R3HDM1: variants seen among roughly 807,000 people sequenced by gnomAD.
R3HDM1 encodes R3H domain-containing protein 1.
In R3HDM1, 46 loss-of-function variants were observed where a neutral mutation model predicts 141.1. The ratio of observed to expected loss-of-function variants is 0.33; its 90% confidence interval spans 0.26 to 0.42. The LOEUF is 0.42. Ranked by LOEUF, R3HDM1 falls within the 10% of genes least tolerant of loss-of-function variation. The pLI is 1.00. For synonymous variants in R3HDM1, 435 were observed against 472.9 expected (o/e 0.92, Z 1.04); for missense variants, 1,184 against 1,368.3 (o/e 0.87, Z 2.12).
At chr2:135,560,217 A>G (rs181015969) in intron 1 of R3HDM1, among the ~76,000 whole-genome samples, 163 of 152,346 alleles carry the variant, frequency 1.1e-3, no homozygotes, top group Admixed American at 2.7e-3. Flanking sequence ...CTAAAAATTG[A>G]AGGCTGTGTA....
intron 18 of R3HDM1, 149 bp downstream of exon 18, chr2:135,652,181 T>TTTTCACGCACATGCTAAGCAACCA: frequency 1.6e-6 from 2 of 1,280,826 alleles, no homozygotes; most frequent in Non-Finnish European, 2.0e-6. Flanking sequence ...CCTCTGGAGA[T>TTTTCACGCACATGCTAAGCAACCA]TTTCACGCAC....
intron 7 of R3HDM1, among the ~76,000 whole-genome samples, chr2:135,623,536 C>A (rs1018133305): frequency 6.6e-6 from 1 of 152,104 alleles, no homozygotes; most frequent in African/African-American, 2.4e-5. Flanking sequence ...TTTTCTGTTT[C>A]GTATTTAATA....
intron 15 of R3HDM1, 135 bp downstream of exon 15, chr2:135,641,925 A>G (rs2063825242): frequency 1.8e-6 from 2 of 1,130,028 alleles, no homozygotes; most frequent in South Asian, 1.8e-5. Flanking sequence ...CTTTATAACA[A>G]AAACACTTAA....
chr2:135,625,881 C>G (rs188208212), intron 7 of R3HDM1, among the ~76,000 whole-genome samples: 1 of 152,314 alleles, frequency 6.6e-6, no homozygotes, highest in African/African-American at 2.4e-5. Context: ...CCCCATACTT[C>G]GTTGTATGCA....
intron 16 of R3HDM1, among the ~76,000 whole-genome samples, chr2:135,645,894 G>A (rs967784247): frequency 2.0e-5 from 3 of 152,196 alleles, no homozygotes; most frequent in African/African-American, 7.2e-5. Context: ...TAAGCAGTTA[G>A]AAGAAACTGA....
intron 18 of R3HDM1, among the ~76,000 whole-genome samples, chr2:135,654,902 G>GTGTGTGTGTGTGTGTA (rs57409498): frequency 6.8e-5 from 10 of 146,250 alleles, no homozygotes; most frequent in South Asian, 6.6e-4. Context: ...GTGTGTGTGT[G>GTGTGTGTGTGTGTGTA]TTTGTCTTTT....
intron 1 of R3HDM1, among the ~76,000 whole-genome samples, chr2:135,548,366 C>A (rs915755553): frequency 2.0e-5 from 3 of 152,182 alleles, no homozygotes; most frequent in Non-Finnish European, 4.4e-5. Flanking sequence ...TACATCACCC[C>A]TAAACACTTG....
rs13410248 is a variant in R3HDM1, at chr2:135,608,054, A to G, written c.171+3038A>G. 16,184 of 882,796 alleles carry G rather than the reference A, an allele frequency of 0.018. 2,048 individuals carry two copies. The African/African-American group carries it at 0.27, about 15-fold the overall frequency. 54.7% of individuals were successfully genotyped at this position (882,796 alleles called of 1,614,324 possible). On this transcript the variant is annotated intron_variant, in intron 3 of 26. Coordinates refer to ENST00000683871, the MANE Select transcript of R3HDM1 (RefSeq NM_001378107.1). ...ATATGGGCCGGGCGCAGTGGCTCAC[A>G]TCTGTAATCCCAGCACTTTGGGAGG...
At chr2:135,540,698 A>G (rs1697294391) in intron 1 of R3HDM1, among the ~76,000 whole-genome samples, 1 of 152,172 alleles carries the variant, frequency 6.6e-6, no homozygotes, top group Admixed American at 6.5e-5. Flanking sequence ...GATTATAGGC[A>G]TGAGCCACCA....
At chr2:135,553,272 A>C (rs1051237315) in intron 1 of R3HDM1, among the ~76,000 whole-genome samples, 2 of 152,188 alleles carry the variant, frequency 1.3e-5, no homozygotes, top group African/African-American at 4.8e-5. Flanking sequence ...GTTCAGGCAA[A>C]TGGGAGGAAA....
In R3HDM1 at chr2:135,718,277, T is replaced by C. The variant is rs368823778; in HGVS notation, c.2881+2583T>C. On this transcript the variant is annotated intron_variant, in intron 24 of 26. Transcript: ENST00000683871. ...AACAGGGTATGGTTACACGGACTTT[T>C]ACAGTTGTTAGAATTCATCAGATTC... is the stretch of plus-strand genomic sequence containing the variant. Among the ~76,000 whole-genome samples, 8 of 152,310 alleles carry C rather than the reference T, an allele frequency of 5.3e-5. No individual in the cohort carries two copies. In the East Asian group the frequency reaches 9.6e-4, roughly 18 times the overall value.
intron 23 of R3HDM1, 40 bp downstream of exon 23, chr2:135,710,271 T>TA (rs752968672): frequency 3.7e-5 from 58 of 1,569,608 alleles, no homozygotes; most frequent in Non-Finnish European, 4.9e-5. Context: ...AAACGTTACA[T>TA]TTTTGTTACC....
chr2:135,561,759 T>G (rs1303875451), intron 1 of R3HDM1, among the ~76,000 whole-genome samples: 1 of 152,036 alleles, frequency 6.6e-6, no homozygotes, highest in Non-Finnish European at 1.5e-5. Context: ...AAAGTTGTAT[T>G]AACTAGAATA....
At chr2:135,630,073 T>C (rs999657022) in intron 7 of R3HDM1, among the ~76,000 whole-genome samples, 2 of 149,954 alleles carry the variant, frequency 1.3e-5, no homozygotes, top group Non-Finnish European at 3.0e-5. Context: ...AAAAAAAACC[T>C]TCGAGACCAG....
At chr2:135,651,165 A>G in intron 17 of R3HDM1, 1 of 985,354 alleles carries the variant, frequency 1.0e-6, no homozygotes, top group Non-Finnish European at 1.2e-6. Context: ...CAAGGGAAGA[A>G]TGGAATGTAT....
intron 1 of R3HDM1, 66 bp from the exon 2 acceptor site, chr2:135,602,434 T>G (rs2059700867): frequency 9.4e-7 from 1 of 1,064,332 alleles, no homozygotes. Context: ...ATTTCTCAGT[T>G]TCATGTGGAG....
chr2:135,574,430 G>A (rs1704895725), intron 1 of R3HDM1, among the ~76,000 whole-genome samples: 2 of 152,218 alleles, frequency 1.3e-5, no homozygotes, highest in African/African-American at 4.8e-5. Flanking sequence ...AGACCAGATA[G>A]TTCCACTGCT....
intron 1 of R3HDM1, among the ~76,000 whole-genome samples, chr2:135,586,052 T>A (rs1380650748): frequency 6.6e-6 from 1 of 152,240 alleles, no homozygotes; most frequent in East Asian, 1.9e-4. Flanking sequence ...TATTTATGGC[T>A]TGTTCTTTAA....
intron 7 of R3HDM1, among the ~76,000 whole-genome samples, chr2:135,630,293 A>AAAC (rs1559291287): frequency 1.4e-5 from 2 of 145,430 alleles, no homozygotes; most frequent in South Asian, 4.2e-4. Context: ...AAAAAAAAAA[A>AAAC]AAAAAAAAAA....
Sources: gnomAD v4.1 joint callset for allele counts (sites outside exome capture counted in the v4.1 genomes callset) on GRCh38, gnomAD v4.1.1 for gene constraint, MANE v1.5 for transcripts, NCBI Gene and HGNC (gene_info 2026-07-23, HGNC 2026-07-21) for gene names.